The following RASAL3 variants were observed in gnomAD, a reference collection of about 807,000 sequenced individuals.
RASAL3 encodes the protein RAS protein activator like-3.
RASAL3 carries 74 observed loss-of-function variants against 105.5 expected under a neutral mutation model. The ratio of observed to expected loss-of-function variants is 0.70; its 90% CI spans 0.58 to 0.85. The LOEUF (loss-of-function observed/expected upper bound fraction) is 0.85, where lower values mean the gene tolerates loss of function less well. Among genes scored for constraint, RASAL3 ranks in the 40% least tolerant of loss-of-function variants. The pLI is 0.00. For missense variants in RASAL3, 1,352 were observed against 1,392.0 expected, an observed-to-expected ratio of 0.97 and a Z score of 0.46; for synonymous variants, 579 against 591.6, an observed-to-expected ratio of 0.98 and a Z score of 0.31.
In RASAL3 at chr19:15,453,927, C is replaced by T. The variant is rs1324668400; in HGVS notation, c.2279+222G>A. On this transcript the variant is annotated intron_variant, in intron 14 of 17. Coordinates refer to ENST00000343625, the MANE Select transcript of RASAL3 (RefSeq NM_022904.3). The surrounding 1 kb of genome is among the most constrained non-coding windows in gnomAD (Gnocchi z 4.2). ...CCTTGACTTCTGACTATAATACTGT[C>T]CTCTCTATGACCCTTGACATCTCTC... Among the ~76,000 whole-genome samples the T allele has an allele frequency of 1.3e-5, 2 of 152,104 alleles. No homozygotes were observed. Among genetic ancestry groups the T allele is most frequent in the African/African-American group, 4.8e-5 (2 of 41,416 alleles).
Position 15,464,296 on chromosome 19 carries a change from A to G in RASAL3, c.63T>C (p.Thr21=), listed in dbSNP as rs758684868. 1 of 1,416,816 alleles carries G rather than the reference A, an allele frequency of 7.1e-7. No homozygotes were observed. The highest frequency in any genetic ancestry group is 2.0e-5 in the Admixed American group (1 of 51,014). 87.8% of individuals were successfully genotyped at this position (1,416,816 alleles called of 1,614,324 possible). The change falls in exon 2 of 18, where the codon ACT becomes ACC. Residue 21 remains threonine (T), a synonymous_variant. Coordinates refer to ENST00000343625, the MANE Select transcript of RASAL3 (RefSeq NM_022904.3). ...CGCCCCCTGTGTGCCAGCGGTAGGA[A>G]GTCAGCGGAGAGGTGGCTGTGGGCT... is the stretch of plus-strand genomic sequence containing the variant. The part of the protein sequence containing the change: ...QTQPTATSPL[T]SYRWHTGGGG...
Position 15,457,335 on chromosome 19 carries a change from G to T in RASAL3, c.1388C>A (p.Ala463Glu), listed in dbSNP as rs765698882. The T allele has an allele frequency of 5.8e-6, 8 of 1,377,098 alleles. No individual in the cohort carries two copies. Among genetic ancestry groups the T allele is most frequent in the Non-Finnish European group, 6.5e-6 (7 of 1,071,822 alleles). The allele number at this position is 1,377,098 out of a possible 1,614,324, so 85.3% of individuals were successfully genotyped here. A position where few individuals can be genotyped will look rare whatever the true frequency, so the allele number is the denominator to read the frequency against. ...CCGCAGCACGCGCACCATGGCTGCC[G>T]CCAGCTCCTCCTTGGCCTGCGCAGG... ...ALPAQAKEEL[A>E]AAMVRVLRAT... The change falls in exon 9 of 18, where the codon GCG becomes GAG. Residue 463 changes from alanine to glutamate, a missense_variant. Ala to Glu is a moderately radical substitution (Grantham distance 107, BLOSUM62 -1). This residue lies in a region of RASAL3 where 920 missense variants were observed against 919.6 expected (regional missense o/e 1.00). Transcript: ENST00000343625. The surrounding 1 kb of genome is among the most constrained non-coding windows in gnomAD (Gnocchi z 8.6).
At chr19:15,452,337 T>G in intron 16 of RASAL3, 1 of 603,344 alleles carries the variant, frequency 1.7e-6, no homozygotes, top group Non-Finnish European at 3.0e-6. Flanking sequence ...TGGCCAGTCC[T>G]GGGTGGGGTC....
In RASAL3 at chr19:15,464,108, C is replaced by G. The variant is rs779309220; in HGVS notation, c.251G>C (p.Arg84Pro). The G allele has an allele frequency of 3.1e-6, 5 of 1,612,832 alleles. No individual in the cohort carries two copies. The South Asian group carries it at 4.4e-5, about 14-fold the overall frequency. Residue 84 changes from arginine to proline, a missense_variant, in exon 2 of 18, where the codon CGA becomes CCA. By Grantham distance (103) the Arg-to-Pro change is moderately radical. Around this residue, in one of 3 missense-constraint regions of RASAL3, gnomAD observed 344 missense variants for 339.6 expected, o/e 1.01. Coordinates refer to ENST00000343625, the MANE Select transcript of RASAL3 (RefSeq NM_022904.3). ...PPKESRTSRLRLSKALWGRHK... is the reference protein window; with the variant it reads ...PPKESRTSRLPLSKALWGRHK... The stretch of plus-strand genomic sequence containing the variant: ...CCTCCCCCAGAGGGCCTTGGAGAGT[C>G]GAAGGCGACTGGTCCGTGACTCCTT...
At chr19:15,452,588 G>A (rs979524260) in intron 16 of RASAL3, 70 bp downstream of exon 16, 13 of 988,180 alleles carry the variant, frequency 1.3e-5, no homozygotes, top group African/African-American at 1.1e-4. Context: ...GGGGGGGGGG[G>A]AGGGCCTGGT....
At chr19:15,462,843 C>T (rs918945516) in intron 2 of RASAL3, among the ~76,000 whole-genome samples, 6 of 151,490 alleles carry the variant, frequency 4.0e-5, no homozygotes, top group South Asian at 2.1e-4. Flanking sequence ...CCCAGCTGCT[C>T]AGGAGGCTGA....
At position 15,456,825 on chromosome 19, in the gene RASAL3, A is replaced by C; in HGVS notation, c.1432-179T>G. On this transcript the variant is annotated intron_variant, in intron 9 of 17. Coordinates refer to ENST00000343625, the MANE Select transcript of RASAL3 (RefSeq NM_022904.3). The surrounding 1 kb of genome is among the most constrained non-coding windows in gnomAD (Gnocchi z 4.4). ...CGGAACCTCTAACCCTCACAGCAGA[A>C]ATTTAAGCCTTTCAGCGCTGAGGTG... 2.6e-6 allele frequency: 2 copies of C among 763,662 alleles called. No homozygotes were observed. Among genetic ancestry groups the C allele is most frequent in the Admixed American group, 2.8e-5 (1 of 35,342 alleles). 47.3% of individuals were successfully genotyped at this position (763,662 alleles called of 1,614,324 possible). A position where few individuals can be genotyped will look rare whatever the true frequency, so the allele number is the denominator to read the frequency against.
Position 15,451,934 on chromosome 19 carries a change from T to A in RASAL3, c.2897A>T (p.His966Leu), listed in dbSNP as rs1297198790. 6.2e-7 allele frequency: 1 copy of A among 1,610,174 alleles called. No individual in the cohort carries two copies. Among genetic ancestry groups the A allele is most frequent in the South Asian group, 1.1e-5 (1 of 91,006 alleles). Residue 966 changes from histidine (H) to leucine (L), a missense_variant, in exon 18 of 18, where the codon CAC becomes CTC. Around this residue, in one of 3 missense-constraint regions of RASAL3, gnomAD observed 920 missense variants for 919.6 expected, o/e 1.00. Coordinates refer to ENST00000343625, the MANE Select transcript of RASAL3 (RefSeq NM_022904.3). ...AGTTCTCTCCATCTCATTTAGGCGG[T>A]GCTCCTGGGGAGGCAGTGGTGATGG... ...NEGHSLKNLEHRLNEMERTQA... is the reference protein window; with the variant it reads ...NEGHSLKNLELRLNEMERTQA...
Position 15,451,827 on chromosome 19 carries a change from T to C in RASAL3, c.3004A>G (p.Lys1002Glu). The C allele has an allele frequency of 6.2e-7, 1 of 1,603,360 alleles. No individual in the cohort carries two copies. Among genetic ancestry groups the C allele is most frequent in the Non-Finnish European group, 8.5e-7 (1 of 1,172,110 alleles). ...RGSWSQPQPL[K>E]APCLNGDTT ...GTGTCTCCATTGAGGCAGGGTGCTT[T>C]GAGGGGCTGGGGTTGACTCCAAGAC... The change falls in exon 18 of 18, where the codon AAA becomes GAA. Residue 1002 changes from lysine (K) to glutamate (E), a missense_variant. This residue lies in a region of RASAL3 where 920 missense variants were observed against 919.6 expected (regional missense o/e 1.00). Coordinates refer to ENST00000343625, the MANE Select transcript of RASAL3 (RefSeq NM_022904.3).
chr19:15,454,566 G>A lies in RASAL3; in HGVS notation c.1959-4C>T. On this transcript the variant is annotated splice_region_variant and splice_polypyrimidine_tract_variant and intron_variant, in intron 12 of 17. Transcript: ENST00000343625. The stretch of plus-strand genomic sequence containing the variant: ...GTAGGCCTCCTTCTCACCGAACCTG[G>A]ATCAGGGCCAGGCTGGGTGGGTCAG... The A allele has an allele frequency of 1.2e-6, 2 of 1,613,818 alleles. No individual in the cohort carries two copies. The highest frequency in any genetic ancestry group is 2.2e-5 in the South Asian group (2 of 91,068).
chr19:15,458,974 C>G (rs1013109235), intron 6 of RASAL3, among the ~76,000 whole-genome samples: 1 of 151,848 alleles, frequency 6.6e-6, no homozygotes, highest in South Asian at 2.1e-4. Context: ...GAGACAGAGT[C>G]TTGTTTAGTG....
Position 15,453,281 on chromosome 19 carries a change from C to T in RASAL3, c.2496G>A (p.Ala832=), listed in dbSNP as rs762582951. 2.1e-4 allele frequency: 319 copies of T among 1,528,680 alleles called. No individual in the cohort carries two copies. Among genetic ancestry groups the T allele is most frequent in the African/African-American group, 3.7e-4 (27 of 72,170 alleles). 94.7% of individuals were successfully genotyped at this position (1,528,680 alleles called of 1,614,324 possible). A position where few individuals can be genotyped will look rare whatever the true frequency, so the allele number is the denominator to read the frequency against. Residue 832 remains alanine, a synonymous_variant, in exon 15 of 18, where the codon GCG becomes GCA. Coordinates refer to ENST00000343625, the MANE Select transcript of RASAL3 (RefSeq NM_022904.3). This position sits in a 1 kb window ranked among gnomAD's most constrained non-coding sequence, Gnocchi z 4.2. The part of the protein sequence containing the change: ...VRRPARRRQS[A]GPWPRPKGSL... ...AGCCTTTGGGTCGCGGCCAGGGCCC[C>T]GCAGATTGGCGGCGGCGGGCAGGAC...
rs988057493 is a variant in RASAL3 at position 15,453,247 on chromosome 19, T to C, written c.2530A>G (p.Met844Val). Residue 844 changes from methionine to valine, a missense_variant, in exon 15 of 18, where the codon ATG (methionine) becomes GTG (valine). By Grantham distance (21) the Met-to-Val change is conservative (BLOSUM62 1). Around this residue, in one of 3 missense-constraint regions of RASAL3, gnomAD observed 920 missense variants for 919.6 expected, o/e 1.00. Transcript: ENST00000343625. The surrounding 1 kb of genome is among the most constrained non-coding windows in gnomAD (Gnocchi z 4.2). Reference sequence around the variant, plus strand: ...GGCCGGGCGCGGGGCGCTGGTCCCATGCTCAGGGAGCCTTTGGGTCGCGGC... The same window carrying C: ...GGCCGGGCGCGGGGCGCTGGTCCCACGCTCAGGGAGCCTTTGGGTCGCGGC... Reference protein sequence around the residue: ...PWPRPKGSLSMGPAPRARPWT... With the variant: ...PWPRPKGSLSVGPAPRARPWT... 1 of 1,587,904 alleles carries C rather than the reference T, an allele frequency of 6.3e-7. No individual in the cohort carries two copies. Among genetic ancestry groups the C allele is most frequent in the Non-Finnish European group, 8.6e-7 (1 of 1,169,038 alleles).
rs968750861 is a variant in RASAL3, at chr19:15,461,141, G to A, written c.545-20C>T. ...TCCGATCTGTGGGTCGTTATGGGTG[G>A]CAGGTTGGGGGGTTGGATTCTGCCC... On this transcript the variant is annotated intron_variant, in intron 4 of 17. Transcript: ENST00000343625. 6.2e-7 allele frequency: 1 copy of A among 1,613,810 alleles called. No individual in the cohort carries two copies. The highest frequency in any genetic ancestry group is 2.2e-5 in the East Asian group (1 of 44,876).
chr19:15,456,426 T>C lies in RASAL3; in HGVS notation c.1576+76A>G. 1 of 1,577,426 alleles carries C rather than the reference T, an allele frequency of 6.3e-7. No individual in the cohort carries two copies. ...CACTCACTACCAGAATCCAGGTTGC[T>C]CAAGGACTCTTAGAACTTCACCCAG... On this transcript the variant is annotated intron_variant, in intron 10 of 17. Coordinates refer to ENST00000343625, the MANE Select transcript of RASAL3 (RefSeq NM_022904.3). The surrounding 1 kb of genome is among the most constrained non-coding windows in gnomAD (Gnocchi z 4.4).
In RASAL3 at chr19:15,457,838, C is replaced by T. The variant is rs541003620; in HGVS notation, c.889-4G>A. 9.7e-6 allele frequency: 15 copies of T among 1,548,604 alleles called. No homozygotes were observed. Among genetic ancestry groups the T allele is most frequent in the Admixed American group, 7.8e-5 (4 of 50,964 alleles). On this transcript the variant is annotated splice_region_variant and splice_polypyrimidine_tract_variant and intron_variant, in intron 8 of 17. Transcript: ENST00000343625. The surrounding 1 kb of genome is among the most constrained non-coding windows in gnomAD (Gnocchi z 8.6). ...TCTCTTCCCGCTCCACGTTGTCCTG[C>T]AGATGGGAGTGGGATGGGGGGAAGC...
Position 15,451,625 on chromosome 19 carries a change from T to G in RASAL3, c.*170A>C. ...CTTAGTGGGCAAAGAAACCACCAAT[T>G]TCACTGAAATCAAGATTTTACTGGG... On this transcript the variant is annotated 3_prime_UTR_variant, in exon 18 of 18. Coordinates refer to ENST00000343625, the MANE Select transcript of RASAL3 (RefSeq NM_022904.3). 1.5e-6 allele frequency: 1 copy of G among 648,004 alleles called. No homozygotes were observed. The highest frequency in any genetic ancestry group is 1.8e-5 in the African/African-American group (1 of 55,844). 40.1% of individuals were successfully genotyped at this position (648,004 alleles called of 1,614,324 possible).
Position 15,460,249 on chromosome 19 carries a change from T to G in RASAL3, c.616A>C (p.Lys206Gln), listed in dbSNP as rs1166353201. ...NQVHNVRGLL[K>Q]RLKEKKKARL... ...GCCTTTTTCTTCTCTTTCAGCCTCT[T>G]GAGCAACCCCTGTGGGGAAGGGAAT... Residue 206 changes from lysine (K) to glutamine (Q), a missense_variant, in exon 6 of 18, where the codon AAG (lysine) becomes CAG (glutamine). Lys to Gln is a moderately conservative substitution (Grantham distance 53, BLOSUM62 1). Coordinates refer to ENST00000343625, the MANE Select transcript of RASAL3 (RefSeq NM_022904.3). The G allele has an allele frequency of 1.9e-6, 3 of 1,608,410 alleles. No homozygotes were observed. In the African/African-American group the frequency reaches 4.0e-5, roughly 21 times the overall value.
intron 7 of RASAL3, 26 bp downstream of exon 7, chr19:15,458,503 A>G (rs756156832): frequency 1.9e-6 from 3 of 1,613,614 alleles, no homozygotes. Context: ...ACTGAGGTGG[A>G]ATCGAGGTGG....
Sources: allele counts gnomAD v4.1 joint callset (sites outside exome capture counted in the v4.1 genomes callset), GRCh38; gene constraint gnomAD v4.1.1; regional missense constraint gnomAD v4.1.1; non-coding constraint Gnocchi (gnomAD v3.1); transcripts MANE v1.5; gene names NCBI Gene and HGNC (gene_info 2026-07-23, HGNC 2026-07-21).